Variants in PAK3 observed in about 807,000 individuals in gnomAD.
The protein encoded by PAK3 is p21 (RAC1) activated kinase 3.
In PAK3, 4 loss-of-function variants were observed where a neutral mutation model predicts 41.0. That is an observed-to-expected ratio of 0.10 (90% confidence interval 0.05 to 0.22). The LOEUF (loss-of-function observed/expected upper bound fraction) is 0.22. Ranked by LOEUF, PAK3 falls within the 10% of genes least tolerant of loss-of-function variation. PAK3 has a pLI of 1.00. For missense variants in PAK3, 205 were observed against 409.9 expected, an observed-to-expected ratio of 0.50 and a Z score of 4.32; for synonymous variants, 146 against 139.6, an observed-to-expected ratio of 1.05 and a Z score of -0.32.
At chrX:111,105,747 A>T (rs911060736) in intron 4 of PAK3, among the ~76,000 whole-genome samples, 19 of 111,189 alleles carry the variant, frequency 1.7e-4, no homozygotes, top group African/African-American at 5.9e-4. Flanking sequence ...CACTTTCTTC[A>T]CACTGAGACA....
At chrX:111,086,097 G>A (rs1454311844) in intron 1 of PAK3, among the ~76,000 whole-genome samples, 1 of 100,282 alleles carries the variant, frequency 1.0e-5, no homozygotes, top group Non-Finnish European at 2.0e-5. Context: ...GTGTGCATGT[G>A]CACATGTGTG....
At chrX:111,069,069 C>T (rs1387585533) in intron 1 of PAK3, among the ~76,000 whole-genome samples, 1 of 111,752 alleles carries the variant, frequency 8.9e-6, no homozygotes, top group Non-Finnish European at 1.9e-5. Context: ...TATTCAGCAC[C>T]ACCTGAGAGT....
chrX:111,117,259 T>C (rs995702682), intron 4 of PAK3, among the ~76,000 whole-genome samples: 50 of 111,911 alleles, frequency 4.5e-4, no homozygotes, highest in Non-Finnish European at 7.3e-4. Context: ...TAAAAATGTA[T>C]ATATGAAGAG....
chrX:111,210,412 T>C lies in PAK3; in HGVS notation c.1408-6009T>C, dbSNP rs186381476. On this transcript the variant is annotated intron_variant, in intron 16 of 17. Coordinates refer to ENST00000372007, the MANE Select transcript of PAK3 (RefSeq NM_002578.5). Reference sequence around the variant, plus strand: ...CCTTTGGTGATGACATCCCCTTACATACACTATTCATACAGCTCTCTTCCT... The same window carrying C: ...CCTTTGGTGATGACATCCCCTTACACACACTATTCATACAGCTCTCTTCCT... Among the ~76,000 whole-genome samples the C allele has an allele frequency of 8.1e-5, 9 of 111,431 alleles. No individual in the cohort carries two copies. In the East Asian group the frequency reaches 2.6e-3, roughly 32 times the overall value.
chrX:110,990,009 G>C (rs1212018112), intron 1 of PAK3, among the ~76,000 whole-genome samples: 1 of 112,067 alleles, frequency 8.9e-6, no homozygotes, highest in East Asian at 2.8e-4. Context: ...TCCAGTGATA[G>C]AATCAAGACA....
chrX:111,178,845 A>G (rs1312656914), intron 11 of PAK3, among the ~76,000 whole-genome samples: 3 of 109,404 alleles, frequency 2.7e-5, no homozygotes, highest in Admixed American at 2.0e-4. Context: ...GGTTTCATTC[A>G]CTTTGGTATC....
chrX:111,139,226 C>T (rs2149079954), intron 5 of PAK3, among the ~76,000 whole-genome samples: 1 of 110,754 alleles, frequency 9.0e-6, no homozygotes, highest in African/African-American at 3.3e-5. Context: ...AAAGATGACT[C>T]CCAGATTCTT....
At chrX:111,160,510 C>T (rs1305122153) in intron 8 of PAK3, among the ~76,000 whole-genome samples, 2 of 108,896 alleles carry the variant, frequency 1.8e-5, no homozygotes, top group African/African-American at 6.8e-5. Context: ...TACATGTGCA[C>T]AACGTGCAGG....
At chrX:111,010,481 G>A (rs765461197) in intron 1 of PAK3, among the ~76,000 whole-genome samples, 3 of 111,908 alleles carry the variant, frequency 2.7e-5, no homozygotes, top group Non-Finnish European at 5.6e-5. Context: ...AATTCTCAGT[G>A]TTGGAGGTGG....
chrX:111,088,761 G>A (rs2092908652), intron 1 of PAK3, among the ~76,000 whole-genome samples: 2 of 112,128 alleles, frequency 1.8e-5, no homozygotes, highest in Non-Finnish European at 3.8e-5. Context: ...GGCATCACTG[G>A]TAAGAAAGGA....
intron 10 of PAK3, among the ~76,000 whole-genome samples, chrX:111,166,221 G>A (rs142053055): frequency 1.2e-3 from 136 of 111,354 alleles, no homozygotes; most frequent in Non-Finnish European, 1.9e-3. Context: ...CTGCCATTAC[G>A]CCTTTGTCTA....
At chrX:111,209,790 G>T (rs1329650003) in intron 16 of PAK3, among the ~76,000 whole-genome samples, 1 of 112,379 alleles carries the variant, frequency 8.9e-6, no homozygotes, top group African/African-American at 3.2e-5. Flanking sequence ...TTTTAATTAA[G>T]TGGTTAGTCC....
intron 1 of PAK3, among the ~76,000 whole-genome samples, chrX:111,002,390 AT>A (rs2091862325): frequency 8.9e-6 from 1 of 111,862 alleles, no homozygotes. Flanking sequence ...CTACAGTACC[AT>A]TTAAAATAAG....
chrX:110,979,060 A>G (rs1042066725), intron 1 of PAK3, among the ~76,000 whole-genome samples: 1 of 111,221 alleles, frequency 9.0e-6, no homozygotes, highest in African/African-American at 3.3e-5. Flanking sequence ...TGCATTATGC[A>G]TTTCAAAGAA....
chrX:110,949,752 C>T (rs1354448575), intron 1 of PAK3, among the ~76,000 whole-genome samples: 7 of 110,783 alleles, frequency 6.3e-5, no homozygotes, highest in South Asian at 7.7e-4. Context: ...ATCCTGAATT[C>T]GAGATAAAAA....
intron 1 of PAK3, among the ~76,000 whole-genome samples, chrX:111,083,509 C>A (rs990344679): frequency 6.2e-5 from 7 of 112,375 alleles, no homozygotes; most frequent in Non-Finnish European, 9.4e-5. Flanking sequence ...ATTTTGTTCC[C>A]TTTCTCTGTT....
At chrX:111,119,013 T>A (rs2093519654) in intron 4 of PAK3, among the ~76,000 whole-genome samples, 1 of 111,391 alleles carries the variant, frequency 9.0e-6, no homozygotes, top group Admixed American at 9.6e-5. Flanking sequence ...TTAATGAAGG[T>A]CACTCTGTAT....
chrX:111,181,142 T>A (rs2094457865), intron 11 of PAK3, among the ~76,000 whole-genome samples: 1 of 111,900 alleles, frequency 8.9e-6, no homozygotes, highest in East Asian at 2.8e-4. Flanking sequence ...AGAAAGGAAC[T>A]CTAACAAGAA....
At chrX:111,192,786 T>C (rs780001497) in intron 13 of PAK3, among the ~76,000 whole-genome samples, 168 bp downstream of exon 13, 3 of 112,546 alleles carry the variant, frequency 2.7e-5, no homozygotes, top group Non-Finnish European at 5.6e-5. Context: ...CACTTAGCTT[T>C]GTCCACATAT....
Sources: allele counts gnomAD v4.1 joint callset (sites outside exome capture counted in the v4.1 genomes callset), GRCh38; gene constraint gnomAD v4.1.1; transcripts MANE v1.5; gene names NCBI Gene and HGNC (gene_info 2026-07-23, HGNC 2026-07-21).